Variants in CENPE observed in about 807,000 individuals in gnomAD.
The protein encoded by CENPE is centromere protein E.
Under a neutral mutation model 336.1 loss-of-function variants are expected in CENPE, and 145 were observed. That is an observed-to-expected ratio of 0.43 (90% CI 0.38 to 0.50). The LOEUF (loss-of-function observed/expected upper bound fraction) is 0.50, where lower values mean the gene tolerates loss of function less well. Ranked by LOEUF, CENPE falls within the 20% of genes least tolerant of loss-of-function variation. The pLI, the probability that CENPE is intolerant of heterozygous loss-of-function variation, is 0.00. For missense variants in CENPE, 2,719 were observed against 3,023.3 expected (o/e 0.90, Z 2.36); for synonymous variants, 1,013 against 984.8 (o/e 1.03, Z -0.54).
At chr4:103,133,333 T>C (rs1560610613) in intron 41 of CENPE, among the ~76,000 whole-genome samples, 1 of 152,168 alleles carries the variant, frequency 6.6e-6, no homozygotes, top group Non-Finnish European at 1.5e-5. Context: ...GGCATGCCAC[T>C]GGGGCTGGCT....
rs1351040718 is a variant in CENPE, at chr4:103,161,232, T to C, written c.1985A>G (p.Tyr662Cys). ...KEKMKELATT[Y>C]KQMENDIQLY... ...CTGAATATCATTTTCCATTTGCTTG[T>C]ATGTAGTTGCAAGTTCTTTCTATTG... Residue 662 changes from tyrosine to cysteine, a missense_variant, in exon 20 of 49, where the codon TAC (tyrosine) becomes TGC (cysteine). Tyr to Cys is a radical substitution (Grantham distance 194, BLOSUM62 -2). This residue lies in a region of CENPE where 2,437 missense variants were observed against 2,513.3 expected (regional missense o/e 0.97). Coordinates refer to ENST00000265148, the MANE Select transcript of CENPE (RefSeq NM_001813.3). The C allele has an allele frequency of 1.9e-6, 3 of 1,609,366 alleles. No homozygotes were observed. Among genetic ancestry groups the C allele is most frequent in the Non-Finnish European group, 2.5e-6 (3 of 1,178,416 alleles).
At chr4:103,194,105 C>A (rs1012705142) in intron 8 of CENPE, 124 bp downstream of exon 8, 1 of 697,744 alleles carries the variant, frequency 1.4e-6, no homozygotes, top group Non-Finnish European at 2.4e-6. Context: ...ACTAAGCAGA[C>A]AATTTGTAGA....
At chr4:103,196,100 T>G (rs1757711254) in intron 3 of CENPE, 62 bp from the exon 4 acceptor site, 4 of 1,579,866 alleles carry the variant, frequency 2.5e-6, no homozygotes, top group Admixed American at 3.3e-5. Flanking sequence ...GGTAAAACTA[T>G]GCATGCTTGT....
chr4:103,107,687 G>T (rs1749016054), intron 48 of CENPE, among the ~76,000 whole-genome samples: 2 of 152,086 alleles, frequency 1.3e-5, no homozygotes, highest in South Asian at 4.1e-4. Flanking sequence ...CCACTCCTTT[G>T]TTCAATCAGG....
rs11315612 is a variant in CENPE at position 103,163,608 on chromosome 4, C to CAAAAAAAAAAAAAAAAAAAA, written c.1648-56_1648-55insTTTTTTTTTTTTTTTTTTTT. The CAAAAAAAAAAAAAAAAAAAA allele has an allele frequency of 7.6e-5, 23 of 304,450 alleles. 1 individual carries two copies. Among genetic ancestry groups the CAAAAAAAAAAAAAAAAAAAA allele is most frequent in the African/African-American group, 9.2e-5 (3 of 32,558 alleles). 18.9% of individuals were successfully genotyped at this position (304,450 alleles called of 1,614,324 possible). On this transcript the variant is annotated intron_variant, in intron 16 of 48. Coordinates refer to ENST00000265148, the MANE Select transcript of CENPE (RefSeq NM_001813.3). Reference sequence around the variant, plus strand: ...CAAACCAATAGTTAATAAAGCAAAGCAAAAAAAAAAAAAAAAAGAAAAAGA... The same window carrying CAAAAAAAAAAAAAAAAAAAA: ...CAAACCAATAGTTAATAAAGCAAAGCAAAAAAAAAAAAAAAAAAAAAAAAAAAAAAAAAAAAAGAAAAAGA...
Position 103,185,874 on chromosome 4 carries a change from T to C in CENPE, c.694-13A>G, listed in dbSNP as rs372883663. ...GATCAACCAAATTCTGTAAGATAGA[T>C]AAAAATAAATCCTTAGGGCAGATAA... On this transcript the variant is annotated splice_polypyrimidine_tract_variant and intron_variant, in intron 8 of 48. Transcript: ENST00000265148. The C allele has an allele frequency of 1.3e-6, 2 of 1,589,884 alleles. No individual in the cohort carries two copies. The highest frequency in any genetic ancestry group is 1.7e-6 in the Non-Finnish European group (2 of 1,162,060).
intron 43 of CENPE, among the ~76,000 whole-genome samples, chr4:103,120,741 AT>A (rs958414885): frequency 3.8e-4 from 56 of 147,580 alleles, no homozygotes; most frequent in Non-Finnish European, 5.0e-4. Context: ...AATTTTATTA[AT>A]TTTTTTTTTT....
intron 42 of CENPE, among the ~76,000 whole-genome samples, chr4:103,125,833 C>A (rs2711888): frequency 0.18 from 25,146 of 142,176 alleles, 2,391 homozygotes; most frequent in Non-Finnish European, 0.21. Context: ...CCACTGCACA[C>A]TCCAGCCTGG....
intron 42 of CENPE, among the ~76,000 whole-genome samples, chr4:103,128,869 A>G (rs1398296224): frequency 1.3e-5 from 2 of 152,220 alleles, no homozygotes; most frequent in Non-Finnish European, 2.9e-5. Flanking sequence ...AAATAATAAA[A>G]GTAGAAATCA....
intron 26 of CENPE, 124 bp from the exon 27 acceptor site, chr4:103,149,532 A>C: frequency 1.2e-6 from 1 of 818,594 alleles, no homozygotes; most frequent in Non-Finnish European, 1.8e-6. Flanking sequence ...AAGTAAATGA[A>C]ACTCACAGGC....
In CENPE at chr4:103,114,512, C is replaced by T; in HGVS notation, c.7483G>A (p.Val2495Ile). The part of the protein sequence containing the change: ...TKATVEYQKE[V>I]IRLLRENLRR... ...AGATTTTCTCTCAATAGCCTTATAA[C>T]TTCCTTTTGATATTCTACAGTGGCT... Residue 2495 changes from valine to isoleucine, a missense_variant, in exon 46 of 49, where the codon GTT becomes ATT. By Grantham distance (29) the Val-to-Ile change is conservative. This residue lies in a region of CENPE where 2,437 missense variants were observed against 2,513.3 expected (regional missense o/e 0.97). Coordinates refer to ENST00000265148, the MANE Select transcript of CENPE (RefSeq NM_001813.3). The T allele has an allele frequency of 1.2e-6, 2 of 1,611,766 alleles. No homozygotes were observed. The highest frequency in any genetic ancestry group is 1.1e-5 in the South Asian group (1 of 91,064).
intron 24 of CENPE, among the ~76,000 whole-genome samples, chr4:103,156,010 A>G (rs1471613330): frequency 6.6e-6 from 1 of 152,206 alleles, no homozygotes; most frequent in Non-Finnish European, 1.5e-5. Flanking sequence ...ATCAAAAAAG[A>G]ACAAAATACT....
intron 43 of CENPE, among the ~76,000 whole-genome samples, chr4:103,121,766 G>A (rs1340686517): frequency 6.6e-6 from 1 of 151,658 alleles, no homozygotes; most frequent in Non-Finnish European, 1.5e-5. Context: ...TCACTATGTT[G>A]TCCAAGCTTA....
intron 46 of CENPE, 97 bp downstream of exon 46, chr4:103,114,358 C>T (rs773191372): frequency 2.3e-5 from 16 of 685,516 alleles, no homozygotes; most frequent in Admixed American, 7.3e-5. Context: ...CTTCTGTTTA[C>T]TCTCGACTGT....
rs776309566 is a variant in CENPE, at chr4:103,149,398, A to G, written c.3407T>C (p.Leu1136Pro). 6.4e-7 allele frequency: 1 copy of G among 1,561,610 alleles called. No homozygotes were observed. The highest frequency in any genetic ancestry group is 8.6e-7 in the Non-Finnish European group (1 of 1,162,210). ...AAGAAGTTGTTGCTGTTTTTCTTGG[A>G]GTTGCTGGCTCTTAAAATGCACAAT... ...EEKLKEKSQQ[L>P]QEKQQQLLNV... is the part of the protein sequence containing the mutation. Residue 1136 changes from leucine to proline, a missense_variant, in exon 27 of 49, where the codon CTC becomes CCC. Physicochemically the swap from Leu to Pro is moderately conservative, Grantham distance 98. Transcript: ENST00000265148.
At chr4:103,123,223 G>C in intron 42 of CENPE, 134 bp from the exon 43 acceptor site, 1 of 666,578 alleles carries the variant, frequency 1.5e-6, no homozygotes, top group Non-Finnish European at 2.6e-6. Context: ...GGAAATTCCA[G>C]AAATAAACAA....
At chr4:103,188,244 A>C (rs1756978736) in intron 8 of CENPE, among the ~76,000 whole-genome samples, 1 of 152,224 alleles carries the variant, frequency 6.6e-6, no homozygotes, top group Non-Finnish European at 1.5e-5. Flanking sequence ...AACGAGACAG[A>C]AAGTTAACAA....
intron 16 of CENPE, among the ~76,000 whole-genome samples, chr4:103,168,072 A>G (rs1440147232): frequency 6.6e-6 from 1 of 151,518 alleles, no homozygotes; most frequent in Non-Finnish European, 1.5e-5. Flanking sequence ...TCCGACGGGG[A>G]CATGTACTGG....
chr4:103,166,688 G>A (rs573462458), intron 16 of CENPE, among the ~76,000 whole-genome samples: 227 of 152,254 alleles, frequency 1.5e-3, no homozygotes, highest in African/African-American at 5.2e-3. Context: ...TAGCCACATA[G>A]AAGTCTGAAG....
Sources: gnomAD v4.1 joint callset for allele counts (sites outside exome capture counted in the v4.1 genomes callset) on GRCh38, gnomAD v4.1.1 for gene constraint, gnomAD v4.1.1 regional missense constraint, MANE v1.5 for transcripts, NCBI Gene and HGNC (gene_info 2026-07-23, HGNC 2026-07-21) for gene names.